The following CHRNA1 variants were observed in gnomAD, a reference collection of about 807,000 sequenced individuals.
CHRNA1 encodes acetylcholine receptor subunit alpha.
Under a neutral mutation model 47.1 loss-of-function variants are expected in CHRNA1, and 35 were observed. That is an observed-to-expected ratio of 0.74 (90% CI 0.57 to 0.99). The LOEUF (loss-of-function observed/expected upper bound fraction) is 0.99. CHRNA1 is among the 50% of genes least tolerant of loss of function. The pLI, the probability that CHRNA1 is intolerant of heterozygous loss-of-function variation, is 0.00. For synonymous variants in CHRNA1, 229 were observed against 223.6 expected, an observed-to-expected ratio of 1.02 and a Z score of -0.22; for missense variants, 506 against 591.1, an observed-to-expected ratio of 0.86 and a Z score of 1.49.
At position 174,750,166 on chromosome 2, in the gene CHRNA1, T is replaced by A. The variant is rs1333962900; in HGVS notation, c.782A>T (p.Glu261Val). The A allele has an allele frequency of 6.3e-7, 1 of 1,576,668 alleles. No homozygotes were observed. The highest frequency in any genetic ancestry group is 1.5e-5 in the African/African-American group (1 of 64,628). Reference protein sequence around the residue: ...LVFYLPTDSGEKMTLSISVLL... With the variant: ...LVFYLPTDSGVKMTLSISVLL... Reference sequence around the variant, plus strand: ...GACAGAGATGCTCAGAGTCATCTTCTCCCCTGAAAAGACCAAAAAAAAAAA... The same window carrying A: ...GACAGAGATGCTCAGAGTCATCTTCACCCCTGAAAAGACCAAAAAAAAAAA... The change falls in exon 7 of 9, where the codon GAG (glutamate) becomes GTG (valine). Residue 261 changes from glutamate to valine, a missense_variant. Transcript: ENST00000348749.
chr2:174,750,241 C>T, intron 6 of CHRNA1, 72 bp from the exon 7 acceptor site: 10 of 1,159,348 alleles, frequency 8.6e-6, no homozygotes, highest in South Asian at 2.6e-5. Flanking sequence ...GTTCCTCCCA[C>T]CCCACCATTT....
chr2:174,748,388 T>C lies in CHRNA1; in HGVS notation c.1243-133A>G, dbSNP rs1262534741. On this transcript the variant is annotated intron_variant, in intron 8 of 8. Coordinates refer to ENST00000348749, the MANE Select transcript of CHRNA1 (RefSeq NM_000079.4). The stretch of plus-strand genomic sequence containing the variant: ...TCCTCCCATCCCTTGGCTGGCATCG[T>C]CTTTATTTTTTGAATAGATTATTTA... The C allele has an allele frequency of 5.0e-6, 7 of 1,404,992 alleles. No homozygotes were observed. In the Admixed American group the frequency reaches 1.5e-4, roughly 30 times the overall value. 87.0% of individuals were successfully genotyped at this position (1,404,992 alleles called of 1,614,324 possible). A position where few individuals can be genotyped will look rare whatever the true frequency, so the allele number is the denominator to read the frequency against.
In CHRNA1 at chr2:174,748,753, G is replaced by T. The variant is rs536176385; in HGVS notation, c.1069C>A (p.Gln357Lys). The T allele has an allele frequency of 6.2e-7, 1 of 1,614,106 alleles. No individual in the cohort carries two copies. Among genetic ancestry groups the T allele is most frequent in the East Asian group, 2.2e-5 (1 of 44,884 alleles). ...TCTTCTGTAAAAATCTTTTTGTCTT[G>T]CTTTTCTCTGGATGGTCTTTTCATT... The part of the protein sequence containing the change: ...STMKRPSREK[Q>K]DKKIFTEDID... Residue 357 changes from glutamine (Q) to lysine (K), a missense_variant, in exon 8 of 9, where the codon CAA becomes AAA. Physicochemically the swap from Gln to Lys is moderately conservative, Grantham distance 53. Transcript: ENST00000348749.
intron 2 of CHRNA1, 21 bp downstream of exon 2, chr2:174,759,467 C>T (rs375097024): frequency 3.1e-6 from 5 of 1,613,958 alleles, no homozygotes; most frequent in East Asian, 2.2e-5. Flanking sequence ...TGTGGGCAGG[C>T]CCCCAGTGCT....
At chr2:174,764,220 C>A (rs780079995) in intron 1 of CHRNA1, 132 bp downstream of exon 1, 6 of 910,452 alleles carry the variant, frequency 6.6e-6, no homozygotes, top group Non-Finnish European at 1.1e-5. Context: ...AAGAAACTGA[C>A]AGAGCAGCCC....
intron 6 of CHRNA1, chr2:174,753,185 C>G: frequency 1.7e-6 from 1 of 587,732 alleles, no homozygotes; most frequent in Non-Finnish European, 3.0e-6. Context: ...ATGCCTTACC[C>G]AGTACACTTC....
intron 7 of CHRNA1, among the ~76,000 whole-genome samples, chr2:174,749,441 G>T (rs1229250023): frequency 6.6e-6 from 1 of 152,170 alleles, no homozygotes; most frequent in Non-Finnish European, 1.5e-5. Context: ...AGACATATTT[G>T]AAATGTTAAA....
Position 174,762,619 on chromosome 2 carries a change from C to G in CHRNA1, c.43+1733G>C, listed in dbSNP as rs142302169. ...TGTGAACAAGTTGGAAAGTGATATG[C>G]CGTAAGAAAGACGGCAATGAAGTGC... On this transcript the variant is annotated intron_variant, in intron 1 of 8. Coordinates refer to ENST00000348749, the MANE Select transcript of CHRNA1 (RefSeq NM_000079.4). 6.1e-4 allele frequency among the ~76,000 whole-genome samples: 93 copies of G among 152,230 alleles called. 1 individual carries two copies. The East Asian group carries it at 0.017, about 28-fold the overall frequency.
At chr2:174,754,689 AG>A (rs1182503520) in intron 4 of CHRNA1, among the ~76,000 whole-genome samples, 6 of 152,122 alleles carry the variant, frequency 3.9e-5, no homozygotes, top group Non-Finnish European at 8.8e-5. Flanking sequence ...ACAGTTTTAA[AG>A]AAATAACAGG....
intron 6 of CHRNA1, 61 bp downstream of exon 6, chr2:174,753,442 C>T (rs762985657): frequency 7.4e-6 from 11 of 1,490,412 alleles, no homozygotes; most frequent in Admixed American, 1.7e-5. Flanking sequence ...TCTGGCTTCC[C>T]CAAAATAGCA....
chr2:174,763,549 C>T (rs1684136502), intron 1 of CHRNA1, among the ~76,000 whole-genome samples: 1 of 152,202 alleles, frequency 6.6e-6, no homozygotes, highest in African/African-American at 2.4e-5. Flanking sequence ...CCTTGTTTCT[C>T]AGTTGGGATG....
chr2:174,758,914 T>C (rs1296219406), intron 3 of CHRNA1, among the ~76,000 whole-genome samples: 1 of 151,950 alleles, frequency 6.6e-6, no homozygotes, highest in East Asian at 1.9e-4. Flanking sequence ...TTCATATATA[T>C]CATATGTATA....
intron 1 of CHRNA1, 38 bp downstream of exon 1, chr2:174,764,314 A>G: frequency 6.2e-7 from 1 of 1,605,492 alleles, no homozygotes. Context: ...TTAGCCTCAA[A>G]GGAGAGCCCT....
In CHRNA1 at chr2:174,749,088, G is replaced by A. The variant is rs114155306; in HGVS notation, c.1003-269C>T. 3.9e-3 allele frequency among the ~76,000 whole-genome samples: 587 copies of A among 152,292 alleles called. 5 individuals carry two copies. The highest frequency in any genetic ancestry group is 0.014 in the African/African-American group (564 of 41,554). ...GGAGCCCATGTGCAGTCATCGACCT[G>A]GGGCCACCAATGAGCTTAAAAGCGT... On this transcript the variant is annotated intron_variant, in intron 7 of 8. Transcript: ENST00000348749.
intron 6 of CHRNA1, among the ~76,000 whole-genome samples, chr2:174,751,089 C>T (rs1239897883): frequency 1.3e-5 from 2 of 152,240 alleles, no homozygotes; most frequent in African/African-American, 4.8e-5. Flanking sequence ...TTTCACACCA[C>T]TCGCTGTCTC....
chr2:174,750,746 A>G (rs1683832084), intron 6 of CHRNA1, among the ~76,000 whole-genome samples: 1 of 152,126 alleles, frequency 6.6e-6, no homozygotes, highest in Non-Finnish European at 1.5e-5. Context: ...AAGCATTTCC[A>G]TTAGAGGCTG....
At chr2:174,759,206 T>A in intron 3 of CHRNA1, 125 bp downstream of exon 3, 1 of 1,096,592 alleles carries the variant, frequency 9.1e-7, no homozygotes, top group South Asian at 1.3e-5. Flanking sequence ...GCTTTCACCA[T>A]CTCAAAATAT....
intron 6 of CHRNA1, among the ~76,000 whole-genome samples, chr2:174,752,399 G>A (rs1427360395): frequency 2.0e-5 from 3 of 151,960 alleles, no homozygotes; most frequent in East Asian, 1.9e-4. Context: ...GTGCAACCCC[G>A]TTTCTACAAA....
At chr2:174,764,277 G>T in intron 1 of CHRNA1, 75 bp downstream of exon 1, 2 of 1,483,690 alleles carry the variant, frequency 1.3e-6, no homozygotes, top group East Asian at 2.4e-5. Context: ...AAAGAAGCAA[G>T]ACTTTGATTT....
Sources: gnomAD v4.1 joint callset for allele counts (sites outside exome capture counted in the v4.1 genomes callset) on GRCh38, gnomAD v4.1.1 for gene constraint, MANE v1.5 for transcripts, NCBI Gene and HGNC (gene_info 2026-07-23, HGNC 2026-07-21) for gene names.